ADGRF3: variants seen among roughly 807,000 people sequenced by gnomAD.
The protein encoded by ADGRF3 is G protein-coupled receptor 113.
In ADGRF3, 85 loss-of-function variants were observed where a neutral mutation model predicts 93.2. That is an observed-to-expected ratio of 0.91 (90% CI 0.77 to 1.09). The LOEUF is 1.09. ADGRF3 is among the 50% of genes least tolerant of loss of function. The probability of loss-of-function intolerance (pLI) is 0.00; values close to 1 mark genes in which losing one functional copy is unlikely to be tolerated. For missense variants in ADGRF3, 1,125 were observed against 1,246.2 expected (o/e 0.90, Z 1.46); for synonymous variants, 534 against 532.5 (o/e 1.00, Z -0.04).
Position 26,323,305 on chromosome 2 carries a change from A to G in ADGRF3, c.115-5743T>C, listed in dbSNP as rs1241409446. 2.0e-5 allele frequency among the ~76,000 whole-genome samples: 3 copies of G among 152,158 alleles called. No homozygotes were observed. The East Asian group carries it at 5.8e-4, about 29-fold the overall frequency. On this transcript the variant is annotated intron_variant, in intron 1 of 13. Transcript: ENST00000651242. ...CTGCCACCTACCTACTCCCAAGTCCAAAGTGAACCACAAGGTGATTGGCCT... is the reference window on the plus strand; with the variant it reads ...CTGCCACCTACCTACTCCCAAGTCCGAAGTGAACCACAAGGTGATTGGCCT...
chr2:26,325,581 T>G (rs1675394513), intron 1 of ADGRF3, among the ~76,000 whole-genome samples: 1 of 152,206 alleles, frequency 6.6e-6, no homozygotes, highest in African/African-American at 2.4e-5. Flanking sequence ...AAGAAACTCA[T>G]GAAATTTCTG....
At chr2:26,331,706 G>C (rs1427125083) in intron 1 of ADGRF3, among the ~76,000 whole-genome samples, 2 of 152,130 alleles carry the variant, frequency 1.3e-5, no homozygotes, top group Non-Finnish European at 2.9e-5. Flanking sequence ...TGCTGCCTGG[G>C]TGCAGAGTGA....
intron 1 of ADGRF3, among the ~76,000 whole-genome samples, chr2:26,322,282 CAA>C (rs60338868): frequency 1.9e-3 from 145 of 76,738 alleles, no homozygotes; most frequent in East Asian, 5.7e-3. Flanking sequence ...GAATCTGTCT[CAA>C]AAAAAAAAAA....
intron 1 of ADGRF3, among the ~76,000 whole-genome samples, chr2:26,325,653 T>G (rs774339706): frequency 5.3e-5 from 8 of 152,328 alleles, no homozygotes; most frequent in Admixed American, 3.9e-4. Flanking sequence ...TGACCTTATA[T>G]ACAAATAAAC....
In ADGRF3 at chr2:26,313,533, G is replaced by C; in HGVS notation, c.1113C>G (p.Thr371=). The C allele has an allele frequency of 1.2e-6, 2 of 1,610,710 alleles. No homozygotes were observed. The highest frequency in any genetic ancestry group is 1.7e-6 in the Non-Finnish European group (2 of 1,179,384). The change falls in exon 8 of 14, where the codon ACC becomes ACG. Residue 371 remains threonine (T), a synonymous_variant. Coordinates refer to ENST00000651242, the MANE Select transcript of ADGRF3 (RefSeq NM_001321971.2). Reference sequence around the variant, plus strand: ...CGTGGCCAGCCTTGGTGACATTCCAGGTGAGCACCGAGGCGTCCTCAGGGC... The same window carrying C: ...CGTGGCCAGCCTTGGTGACATTCCACGTGAGCACCGAGGCGTCCTCAGGGC... The part of the protein sequence containing the change: ...ITCPEDASVL[T]WNVTKAGHVA...
rs1673713146 is a variant in ADGRF3 at position 26,308,237 on chromosome 2, C to T, written c.*849G>A. On this transcript the variant is annotated 3_prime_UTR_variant, in exon 14 of 14. Transcript: ENST00000651242. ...CCCGTCCCATTTTATAAAAAATATC[C>T]ATGAATTGCATAATTAACAAAGACC... 6.6e-6 allele frequency: 1 copy of T among 151,976 alleles called. No homozygotes were observed. The highest frequency in any genetic ancestry group is 6.6e-5 in the Admixed American group (1 of 15,252). 9.4% of individuals were successfully genotyped at this position (151,976 alleles called of 1,614,324 possible). A position where few individuals can be genotyped will look rare whatever the true frequency, so the allele number is the denominator to read the frequency against.
chr2:26,346,005 T>A, intron 1 of ADGRF3, 116 bp downstream of exon 1: 2 of 1,124,832 alleles, frequency 1.8e-6, no homozygotes, highest in Non-Finnish European at 2.5e-6. Flanking sequence ...TCGAGCGGGC[T>A]AGCAACCCCC....
intron 1 of ADGRF3, among the ~76,000 whole-genome samples, chr2:26,339,096 C>A (rs1203379162): frequency 9.7e-6 from 1 of 103,424 alleles, no homozygotes; most frequent in African/African-American, 4.0e-5. Context: ...GCCTGGGCAA[C>A]AGAGTAAGAC....
chr2:26,309,418 G>T lies in ADGRF3; in HGVS notation c.2993+108C>A. On this transcript the variant is annotated intron_variant, in intron 13 of 13. Coordinates refer to ENST00000651242, the MANE Select transcript of ADGRF3 (RefSeq NM_001321971.2). ...TGTTTCCTACCCTTTGGTGTGGGCT[G>T]GGTATAGAAAGAGGAGGCTTCTCTC... 3 of 1,545,632 alleles carry T rather than the reference G, an allele frequency of 1.9e-6. No homozygotes were observed. The South Asian group carries it at 3.6e-5, about 19-fold the overall frequency.
At chr2:26,336,161 A>G (rs1370650747) in intron 1 of ADGRF3, among the ~76,000 whole-genome samples, 1 of 152,226 alleles carries the variant, frequency 6.6e-6, no homozygotes, top group Non-Finnish European at 1.5e-5. Context: ...GCCAACTGGG[A>G]CAAAAAAGGC....
At chr2:26,345,452 A>G (rs1466574085) in intron 1 of ADGRF3, among the ~76,000 whole-genome samples, 1 of 152,122 alleles carries the variant, frequency 6.6e-6, no homozygotes, top group Admixed American at 6.5e-5. Context: ...GCGGAGTGCG[A>G]TGAGGCGGTC....
chr2:26,337,101 C>T (rs980246502), intron 1 of ADGRF3, among the ~76,000 whole-genome samples: 2 of 152,226 alleles, frequency 1.3e-5, no homozygotes, highest in African/African-American at 4.8e-5. Flanking sequence ...GCGACAGCAG[C>T]TAATCTGAAG....
In ADGRF3 at chr2:26,318,965, C is replaced by T. The variant is rs750530006; in HGVS notation, c.115-1403G>A. On this transcript the variant is annotated intron_variant, in intron 1 of 13. Coordinates refer to ENST00000651242, the MANE Select transcript of ADGRF3 (RefSeq NM_001321971.2). ...CTGGGTCTCACCCCAGTCTCACTTA[C>T]AGGTTGGGATGCTTGGGCAACTGGT... 1.9e-6 allele frequency: 3 copies of T among 1,551,760 alleles called. 1 individual carries two copies. In the South Asian group the frequency reaches 3.6e-5, roughly 18 times the overall value.
intron 4 of ADGRF3, 50 bp downstream of exon 4, chr2:26,316,225 C>CA: frequency 6.6e-7 from 1 of 1,517,178 alleles, no homozygotes; most frequent in Middle Eastern, 1.7e-4. Flanking sequence ...CCACTGAGAA[C>CA]ATTTATTTCA....
intron 3 of ADGRF3, 55 bp from the exon 4 acceptor site, chr2:26,316,503 G>T (rs1349254234): frequency 3.9e-5 from 59 of 1,516,440 alleles, no homozygotes; most frequent in Non-Finnish European, 5.1e-5. Flanking sequence ...AGCTAGGTGG[G>T]CAGGGCAGAC....
At chr2:26,322,272 G>T (rs918212431) in intron 1 of ADGRF3, among the ~76,000 whole-genome samples, 1 of 121,030 alleles carries the variant, frequency 8.3e-6, no homozygotes, top group Middle Eastern at 5.5e-3. Flanking sequence ...GACAGAGCAA[G>T]AATCTGTCTC....
In ADGRF3 at chr2:26,342,236, C is replaced by T. The variant is rs939567924; in HGVS notation, c.114+3885G>A. Among the ~76,000 whole-genome samples, 3 of 152,130 alleles carry T rather than the reference C, an allele frequency of 2.0e-5. No homozygotes were observed. The South Asian group carries it at 6.2e-4, about 32-fold the overall frequency. Reference sequence around the variant, plus strand: ...TATATTACTATTCTATTGTTCCACTCTATACAATTGGAACAGCCATCAGGC... The same window carrying T: ...TATATTACTATTCTATTGTTCCACTTTATACAATTGGAACAGCCATCAGGC... On this transcript the variant is annotated intron_variant, in intron 1 of 13. Transcript: ENST00000651242.
chr2:26,324,872 G>A (rs945623917), intron 1 of ADGRF3, among the ~76,000 whole-genome samples: 11 of 152,334 alleles, frequency 7.2e-5, no homozygotes, highest in Non-Finnish European at 1.5e-4. Context: ...TAGTATTTCT[G>A]TCTTTAGGTC....
Position 26,311,758 on chromosome 2 carries a change from A to C in ADGRF3, c.1766T>G (p.Leu589Arg), listed in dbSNP as rs776811973. 3 of 1,613,574 alleles carry C rather than the reference A, an allele frequency of 1.9e-6. No individual in the cohort carries two copies. Among genetic ancestry groups the C allele is most frequent in the Admixed American group, 1.7e-5 (1 of 59,940 alleles). The change falls in exon 10 of 14, where the codon CTG (leucine) becomes CGG (arginine). Residue 589 changes from leucine (L) to arginine (R), a missense_variant. By Grantham distance (102) the Leu-to-Arg change is moderately radical. Transcript: ENST00000651242. The stretch of plus-strand genomic sequence containing the variant: ...AAGGTGGTCCAGTTTTCGCAGCACC[A>C]GGCTAGTAATACTTATTTCAGTTCC... ...RNGTEISITS[L>R]VLRKLDHLLP... is the part of the protein sequence containing the mutation.
Sources: allele counts gnomAD v4.1 joint callset (sites outside exome capture counted in the v4.1 genomes callset), GRCh38; gene constraint gnomAD v4.1.1; transcripts MANE v1.5; gene names NCBI Gene and HGNC (gene_info 2026-07-23, HGNC 2026-07-21).